ANGPT1: variants seen among roughly 807,000 people sequenced by gnomAD.
ANGPT1 encodes the protein angiopoietin-1.
Under a neutral mutation model 62.2 loss-of-function variants are expected in ANGPT1, and 17 were observed. The ratio of observed to expected loss-of-function variants is 0.27; its 90% CI spans 0.19 to 0.41. The LOEUF (loss-of-function observed/expected upper bound fraction) is 0.41, where lower values mean the gene tolerates loss of function less well. Among genes scored for constraint, ANGPT1 ranks in the 10% least tolerant of loss-of-function variants. The pLI is 1.00. For missense variants in ANGPT1, 478 were observed against 594.9 expected (o/e 0.80, Z 2.04); for synonymous variants, 199 against 198.9 (o/e 1.00, Z 0.00).
At position 107,433,223 on chromosome 8, in the gene ANGPT1, G is replaced by T. The variant is rs534866063; in HGVS notation, c.297+64039C>A. Among the ~76,000 whole-genome samples the T allele has an allele frequency of 4.6e-5, 7 of 152,138 alleles. No individual in the cohort carries two copies. In the Middle Eastern group the frequency reaches 0.014, roughly 296 times the overall value. Reference sequence around the variant, plus strand: ...CCAAAATATAGAATTGATACCTGGGGGTAGAGAAGACCAGCTAGAAGTTAA... The same window carrying T: ...CCAAAATATAGAATTGATACCTGGGTGTAGAGAAGACCAGCTAGAAGTTAA... On this transcript the variant is annotated intron_variant, in intron 1 of 8. Transcript: ENST00000517746.
intron 1 of ANGPT1, among the ~76,000 whole-genome samples, chr8:107,426,116 G>A (rs1811034970): frequency 1.3e-5 from 2 of 152,126 alleles, no homozygotes; most frequent in African/African-American, 2.4e-5. Flanking sequence ...ACACAGAATT[G>A]CTTCCCAGTT....
intron 1 of ANGPT1, among the ~76,000 whole-genome samples, chr8:107,428,149 G>A (rs13439823): frequency 0.4 from 60,069 of 152,034 alleles, 12,133 homozygotes; most frequent in Middle Eastern, 0.5. Flanking sequence ...TGATGTTTAA[G>A]GAGAAAGAAT....
intron 1 of ANGPT1, among the ~76,000 whole-genome samples, chr8:107,484,992 G>A (rs534050661): frequency 4.1e-4 from 63 of 152,266 alleles, no homozygotes; most frequent in African/African-American, 1.5e-3. Context: ...TGGAGACAAT[G>A]AAGTGAGAAA....
chr8:107,409,198 C>T (rs529917450), intron 1 of ANGPT1, among the ~76,000 whole-genome samples: 1 of 152,210 alleles, frequency 6.6e-6, no homozygotes, highest in South Asian at 2.1e-4. Context: ...TTAAAATAGC[C>T]CCAGGCTTTC....
At chr8:107,371,528 C>T (rs1816411119) in intron 1 of ANGPT1, among the ~76,000 whole-genome samples, 1 of 150,514 alleles carries the variant, frequency 6.6e-6, no homozygotes, top group Admixed American at 6.6e-5. Flanking sequence ...CAAAATTGGG[C>T]ACCATAATCC....
In ANGPT1 at chr8:107,249,955, T is replaced by C. The variant is rs1416215926; in HGVS notation, c.*1900A>G. 2.0e-5 allele frequency: 3 copies of C among 152,336 alleles called. No homozygotes were observed. The highest frequency in any genetic ancestry group is 2.4e-5 in the African/African-American group (1 of 41,386). 9.4% of individuals were successfully genotyped at this position (152,336 alleles called of 1,614,324 possible). A position where few individuals can be genotyped will look rare whatever the true frequency, so the allele number is the denominator to read the frequency against. On this transcript the variant is annotated 3_prime_UTR_variant, in exon 9 of 9. Transcript: ENST00000517746. ...CCTGCTATGAAGAAGCCACCAAGAA[T>C]AGAAAAATGGTATAATACCTGCAAA...
intron 7 of ANGPT1, among the ~76,000 whole-genome samples, chr8:107,272,084 C>T (rs1295245187): frequency 6.6e-6 from 1 of 151,808 alleles, no homozygotes; most frequent in African/African-American, 2.4e-5. Context: ...ATAATTTTAC[C>T]ATTATGTTAA....
At chr8:107,491,069 C>T (rs1371263559) in intron 1 of ANGPT1, among the ~76,000 whole-genome samples, 5 of 151,836 alleles carry the variant, frequency 3.3e-5, no homozygotes, top group Non-Finnish European at 5.9e-5. Context: ...CATTTATTTC[C>T]CTATTTATTA....
intron 4 of ANGPT1, among the ~76,000 whole-genome samples, chr8:107,314,864 G>C (rs1223070678): frequency 6.6e-6 from 1 of 152,084 alleles, no homozygotes; most frequent in African/African-American, 2.4e-5. Flanking sequence ...CATTCAAAAA[G>C]TTTTAATTTC....
At chr8:107,485,052 A>T (rs1223279954) in intron 1 of ANGPT1, among the ~76,000 whole-genome samples, 1 of 152,186 alleles carries the variant, frequency 6.6e-6, no homozygotes, top group Non-Finnish European at 1.5e-5. Context: ...TTTCCTGCAC[A>T]TTGGGGAAAG....
chr8:107,360,740 T>G (rs2130201606), intron 1 of ANGPT1, among the ~76,000 whole-genome samples: 1 of 152,238 alleles, frequency 6.6e-6, no homozygotes, highest in Middle Eastern at 3.4e-3. Flanking sequence ...ACCTAACATT[T>G]GATGATCACC....
At position 107,297,306 on chromosome 8, in the gene ANGPT1, T is replaced by A. The variant is rs191318659; in HGVS notation, c.937-3269A>T. On this transcript the variant is annotated intron_variant, in intron 5 of 8. Coordinates refer to ENST00000517746, the MANE Select transcript of ANGPT1 (RefSeq NM_001146.5). ...TGGAGCTGAATGACACCTTGGTTAA[T>A]AGCGCCAACTTGAGTGCTACATTGC... Among the ~76,000 whole-genome samples, 13 of 152,016 alleles carry A rather than the reference T, an allele frequency of 8.6e-5. No homozygotes were observed. In the Admixed American group the frequency reaches 8.6e-4, roughly 10 times the overall value.
At chr8:107,307,588 G>T (rs1021411526) in intron 4 of ANGPT1, among the ~76,000 whole-genome samples, 1 of 151,470 alleles carries the variant, frequency 6.6e-6, no homozygotes, top group African/African-American at 2.4e-5. Flanking sequence ...CGCGTTTTTT[G>T]TTGACCTCTC....
intron 1 of ANGPT1, among the ~76,000 whole-genome samples, chr8:107,383,008 T>C (rs921326064): frequency 6.6e-6 from 1 of 152,160 alleles, no homozygotes; most frequent in Non-Finnish European, 1.5e-5. Context: ...ATGCTATCTT[T>C]ATTTCTCCTT....
chr8:107,396,514 TC>T (rs1816937723), intron 1 of ANGPT1, among the ~76,000 whole-genome samples: 1 of 110,950 alleles, frequency 9.0e-6, no homozygotes, highest in African/African-American at 3.5e-5. Context: ...TTTTCTTTTC[TC>T]TCTTTTTTTT....
chr8:107,434,378 A>G lies in ANGPT1; in HGVS notation c.297+62884T>C, dbSNP rs564885479. Among the ~76,000 whole-genome samples, 113 of 152,268 alleles carry G rather than the reference A, an allele frequency of 7.4e-4. 1 individual carries two copies. The highest frequency in any genetic ancestry group is 2.9e-3 in the South Asian group (14 of 4,826). On this transcript the variant is annotated intron_variant, in intron 1 of 8. Transcript: ENST00000517746. The stretch of plus-strand genomic sequence containing the variant: ...ATCATTGCGTGGACAACTTGAAATC[A>G]TGGAAGGTTTTTAAGTGGGGGATTT...
rs188798916 is a variant in ANGPT1 at position 107,285,401 on chromosome 8, T to C, written c.1039-553A>G. Among the ~76,000 whole-genome samples the C allele has an allele frequency of 4.4e-4, 67 of 152,268 alleles. No homozygotes were observed. In the East Asian group the frequency reaches 7.0e-3, roughly 16 times the overall value. On this transcript the variant is annotated intron_variant, in intron 6 of 8. Transcript: ENST00000517746. The stretch of plus-strand genomic sequence containing the variant: ...CATAATTACTTTTGCACCAAACTAA[T>C]AGATTACTAGAACCATGACTTTTGG...
At chr8:107,311,772 A>G (rs1192171070) in intron 4 of ANGPT1, among the ~76,000 whole-genome samples, 1 of 152,224 alleles carries the variant, frequency 6.6e-6, no homozygotes, top group Non-Finnish European at 1.5e-5. Context: ...AGTAATCAAG[A>G]ATGGGGAAAA....
chr8:107,472,633 A>C (rs1812393837), intron 1 of ANGPT1, among the ~76,000 whole-genome samples: 1 of 152,034 alleles, frequency 6.6e-6, no homozygotes, highest in Non-Finnish European at 1.5e-5. Flanking sequence ...CATCTCATAA[A>C]ACCACTATAG....
Sources: allele counts gnomAD v4.1 joint callset (sites outside exome capture counted in the v4.1 genomes callset), GRCh38; gene constraint gnomAD v4.1.1; transcripts MANE v1.5; gene names NCBI Gene and HGNC (gene_info 2026-07-23, HGNC 2026-07-21).